SDCBP: variants seen among roughly 807,000 people sequenced by gnomAD.
The protein encoded by SDCBP is syndecan binding protein, also known as syntenin-1.
In SDCBP, 22 loss-of-function variants were observed where a neutral mutation model predicts 30.5. The ratio of observed to expected loss-of-function variants is 0.72; its 90% CI spans 0.52 to 1.03. The LOEUF (loss-of-function observed/expected upper bound fraction) is 1.03, where lower values mean the gene tolerates loss of function less well. Ranked by LOEUF, SDCBP falls within the 50% of genes least tolerant of loss-of-function variation. The pLI, the probability that SDCBP is intolerant of heterozygous loss-of-function variation, is 0.00. For missense variants in SDCBP, 304 were observed against 369.9 expected, an observed-to-expected ratio of 0.82 and a Z score of 1.46; for synonymous variants, 103 against 118.7, an observed-to-expected ratio of 0.87 and a Z score of 0.86.
chr8:58,565,069 A>T lies in SDCBP; in HGVS notation c.36A>T (p.Val12=), dbSNP rs761108035. The change falls in exon 2 of 9, where the codon GTA becomes GTT. Residue 12 remains valine (V), a synonymous_variant. Transcript: ENST00000260130. The stretch of plus-strand genomic sequence containing the variant: ...ATCCATCTCTCGAAGACTTGAAGGT[A>T]GACAAAGTAATTCAGGTATGATAGT... ...SLYPSLEDLK[V]DKVIQAQTAF... 2 of 1,580,674 alleles carry T rather than the reference A, an allele frequency of 1.3e-6. No individual in the cohort carries two copies. The highest frequency in any genetic ancestry group is 3.5e-5 in the Admixed American group (2 of 57,050).
At chr8:58,557,573 T>C (rs577190002) in intron 1 of SDCBP, among the ~76,000 whole-genome samples, 2 of 151,308 alleles carry the variant, frequency 1.3e-5, no homozygotes, top group Non-Finnish European at 2.9e-5. Context: ...CTGAAAGATC[T>C]CTTAATAGAA....
intron 4 of SDCBP, among the ~76,000 whole-genome samples, chr8:58,575,064 C>T (rs1428052572): frequency 1.3e-5 from 2 of 152,178 alleles, no homozygotes; most frequent in East Asian, 3.8e-4. Context: ...TCCTTCTACT[C>T]TCTATTTCTG....
At chr8:58,573,780 A>G (rs564103067) in intron 4 of SDCBP, among the ~76,000 whole-genome samples, 12 of 152,354 alleles carry the variant, frequency 7.9e-5, no homozygotes, top group African/African-American at 2.9e-4. Context: ...ATCACCAAGT[A>G]GAGTCTAGAA....
chr8:58,561,854 AC>A (rs1230332524), intron 1 of SDCBP: 1 of 642,890 alleles, frequency 1.6e-6, no homozygotes, highest in African/African-American at 1.8e-5. Context: ...AGTGCCTGTA[AC>A]TATAAAAATA....
Position 58,580,538 on chromosome 8 carries a change from C to G in SDCBP, c.772C>G (p.Leu258Val), listed in dbSNP as rs1353818263. The G allele has an allele frequency of 3.2e-6, 5 of 1,581,904 alleles. No homozygotes were observed. The highest frequency in any genetic ancestry group is 1.1e-5 in the South Asian group (1 of 90,404). The change falls in exon 8 of 9, where the codon CTG (leucine) becomes GTG (valine). Residue 258 changes from leucine to valine, a missense_variant. Leu to Val is a conservative substitution (Grantham distance 32). Coordinates refer to ENST00000260130, the MANE Select transcript of SDCBP (RefSeq NM_005625.4). ...GLKDSQIADI[L>V]STSGTVVTIT... is the part of the protein sequence containing the mutation. ...TCAGGACTCTCAAATTGCAGACATA[C>G]TGTCAACATCTGGGACTGTAGTTAC...
chr8:58,554,179 A>C (rs1407249092), intron 1 of SDCBP, among the ~76,000 whole-genome samples: 1 of 152,230 alleles, frequency 6.6e-6, no homozygotes, highest in East Asian at 1.9e-4. Context: ...CATTACGTAC[A>C]TTGCTTAGAA....
chr8:58,556,176 G>A (rs1459828805), intron 1 of SDCBP, among the ~76,000 whole-genome samples: 1 of 152,210 alleles, frequency 6.6e-6, no homozygotes, highest in African/African-American at 2.4e-5. Flanking sequence ...TTTGGCACCA[G>A]GGACTGGTTT....
chr8:58,577,930 TG>T (rs1262006212), intron 5 of SDCBP, 102 bp from the exon 6 acceptor site: 1 of 831,974 alleles, frequency 1.2e-6, no homozygotes. Flanking sequence ...TTTTTGTCAC[TG>T]GGGTAGAGTT....
chr8:58,568,826 C>A (rs890487116), intron 2 of SDCBP, among the ~76,000 whole-genome samples: 1 of 152,200 alleles, frequency 6.6e-6, no homozygotes, highest in Non-Finnish European at 1.5e-5. Context: ...TCGAAAAATT[C>A]TTTAATGCCT....
intron 2 of SDCBP, among the ~76,000 whole-genome samples, chr8:58,566,192 G>A (rs569426945): frequency 5.9e-5 from 9 of 152,162 alleles, no homozygotes; most frequent in Admixed American, 2.0e-4. Flanking sequence ...ATCTAAACAA[G>A]CACTTTTCTT....
chr8:58,577,975 C>CCTCATTTAAAACCTA (rs1736953653), intron 5 of SDCBP, 58 bp from the exon 6 acceptor site: 1 of 1,285,426 alleles, frequency 7.8e-7, no homozygotes, highest in Non-Finnish European at 1.1e-6. Flanking sequence ...AATTTTCCAG[C>CCTCATTTAAAACCTA]GTTTAAAACC....
intron 1 of SDCBP, among the ~76,000 whole-genome samples, chr8:58,564,537 A>G (rs1225527502): frequency 6.6e-6 from 1 of 152,162 alleles, no homozygotes; most frequent in Non-Finnish European, 1.5e-5. Context: ...GTATACATAT[A>G]TGTGTGTATA....
rs953368080 is a variant in SDCBP, at chr8:58,581,825, G to A, written c.*85G>A. The A allele has an allele frequency of 1.9e-5, 21 of 1,116,264 alleles. No homozygotes were observed. The highest frequency in any genetic ancestry group is 1.7e-4 in the African/African-American group (11 of 64,968). 69.1% of individuals were successfully genotyped at this position (1,116,264 alleles called of 1,614,324 possible). On this transcript the variant is annotated 3_prime_UTR_variant, in exon 9 of 9. Transcript: ENST00000260130. Reference sequence around the variant, plus strand: ...TGTATTATGCACGTGAAGCCTTCCCGGAGCCAGCGAGCATATGCTGCATGA... The same window carrying A: ...TGTATTATGCACGTGAAGCCTTCCCAGAGCCAGCGAGCATATGCTGCATGA...
At chr8:58,555,863 A>G (rs961802398) in intron 1 of SDCBP, among the ~76,000 whole-genome samples, 1 of 152,010 alleles carries the variant, frequency 6.6e-6, no homozygotes, top group African/African-American at 2.4e-5. Context: ...GGCATGAGCC[A>G]TACGGTTCCT....
At position 58,581,776 on chromosome 8, in the gene SDCBP, C is replaced by T. The variant is rs1805701236; in HGVS notation, c.*36C>T. ...ACCATGGAAATGTAGCTGAACGTCT[C>T]CAGTTTCCTTCTTTGGCAACTTCTG... On this transcript the variant is annotated 3_prime_UTR_variant, in exon 9 of 9. Coordinates refer to ENST00000260130, the MANE Select transcript of SDCBP (RefSeq NM_005625.4). The T allele has an allele frequency of 4.4e-6, 7 of 1,587,228 alleles. No individual in the cohort carries two copies. Among genetic ancestry groups the T allele is most frequent in the Non-Finnish European group, 6.0e-6 (7 of 1,157,466 alleles).
chr8:58,577,933 G>T (rs757615971), intron 5 of SDCBP, 100 bp from the exon 6 acceptor site: 7 of 867,736 alleles, frequency 8.1e-6, no homozygotes, highest in Non-Finnish European at 1.3e-5. Flanking sequence ...TTGTCACTGG[G>T]GTAGAGTTTT....
intron 2 of SDCBP, among the ~76,000 whole-genome samples, chr8:58,567,680 G>C (rs1231124364): frequency 6.6e-6 from 1 of 152,200 alleles, no homozygotes; most frequent in African/African-American, 2.4e-5. Context: ...AAACATTATA[G>C]AGTGTACTTC....
chr8:58,556,421 G>C (rs1198035969), intron 1 of SDCBP, among the ~76,000 whole-genome samples: 1 of 152,154 alleles, frequency 6.6e-6, no homozygotes, highest in Non-Finnish European at 1.5e-5. Context: ...CCACCGACTG[G>C]TACTGGTCCA....
chr8:58,559,504 G>A (rs1418499925), intron 1 of SDCBP, among the ~76,000 whole-genome samples: 1 of 151,778 alleles, frequency 6.6e-6, no homozygotes, highest in African/African-American at 2.4e-5. Flanking sequence ...TTGTTCTCCT[G>A]GATTAATACA....
Sources: allele counts gnomAD v4.1 joint callset (sites outside exome capture counted in the v4.1 genomes callset), GRCh38; gene constraint gnomAD v4.1.1; transcripts MANE v1.5; gene names NCBI Gene and HGNC (gene_info 2026-07-23, HGNC 2026-07-21).